The following PHACTR3 variants were observed in gnomAD, a reference collection of about 807,000 sequenced individuals.
PHACTR3 encodes the protein phosphatase and actin regulator 3, also known as protein phosphatase 1, regulatory subunit 123.
A neutral mutation model predicts 66.8 loss-of-function variants in PHACTR3; 16 were observed. The observed-to-expected ratio is 0.24, with a 90% CI of 0.16 to 0.36. The LOEUF is 0.36. Among genes scored for constraint, PHACTR3 ranks in the 10% least tolerant of loss-of-function variants. The pLI, the probability that PHACTR3 is intolerant of heterozygous loss-of-function variation, is 1.00. For synonymous variants in PHACTR3, 323 were observed against 292.1 expected (o/e 1.11, Z -1.08); for missense variants, 647 against 719.9 (o/e 0.90, Z 1.16).
intron 1 of PHACTR3, among the ~76,000 whole-genome samples, chr20:59,737,047 G>A (rs1297729554): frequency 2.6e-5 from 4 of 152,152 alleles, no homozygotes; most frequent in African/African-American, 9.7e-5. Flanking sequence ...AGACCCTCTA[G>A]TGGCTCCCTG....
At chr20:59,786,258 G>T (rs1435331300) in intron 7 of PHACTR3, among the ~76,000 whole-genome samples, 1 of 152,238 alleles carries the variant, frequency 6.6e-6, no homozygotes, top group South Asian at 2.1e-4. Flanking sequence ...TGGCCATTCA[G>T]TTTGCCCACT....
intron 1 of PHACTR3, among the ~76,000 whole-genome samples, chr20:59,668,363 G>T (rs1422488948): frequency 1.3e-5 from 2 of 152,022 alleles, no homozygotes; most frequent in African/African-American, 4.8e-5. Flanking sequence ...CTTAGAGGTG[G>T]GCACGTACAC....
intron 1 of PHACTR3, among the ~76,000 whole-genome samples, chr20:59,623,333 G>A (rs998641313): frequency 1.3e-5 from 2 of 152,156 alleles, no homozygotes; most frequent in Admixed American, 1.3e-4. Context: ...CTATAAAATG[G>A]GAACTATAGT....
chr20:59,688,476 C>T (rs955884285), intron 1 of PHACTR3, among the ~76,000 whole-genome samples: 9 of 152,134 alleles, frequency 5.9e-5, no homozygotes, highest in African/African-American at 9.7e-5. Context: ...AAAGCCTAGT[C>T]GGCTTTATCT....
chr20:59,793,550 GATT>G (rs1015324578), intron 7 of PHACTR3, among the ~76,000 whole-genome samples: 59 of 152,184 alleles, frequency 3.9e-4, no homozygotes, highest in Middle Eastern at 3.4e-3. Flanking sequence ...TTGTGAATGG[GATT>G]ATTTTCTTGA....
intron 1 of PHACTR3, among the ~76,000 whole-genome samples, chr20:59,593,211 G>C (rs2033236396): frequency 6.6e-6 from 1 of 152,194 alleles, no homozygotes; most frequent in Non-Finnish European, 1.5e-5. Context: ...TGGGTGTGCA[G>C]TGGTCTCTCA....
intron 1 of PHACTR3, among the ~76,000 whole-genome samples, chr20:59,638,556 G>C (rs1485358886): frequency 2.1e-5 from 3 of 144,490 alleles, no homozygotes; most frequent in African/African-American, 7.6e-5. Flanking sequence ...TATATGAGTG[G>C]ATAGGTGGGT....
chr20:59,621,603 C>G (rs1023714801), intron 1 of PHACTR3, among the ~76,000 whole-genome samples: 2 of 152,240 alleles, frequency 1.3e-5, no homozygotes, highest in African/African-American at 4.8e-5. Context: ...AGATTTCCCA[C>G]AGTGGCCTTT....
intron 1 of PHACTR3, among the ~76,000 whole-genome samples, chr20:59,674,480 CTTG>C (rs2036325674): frequency 4.1e-5 from 4 of 97,766 alleles, no homozygotes; most frequent in Admixed American, 1.2e-4. Flanking sequence ...CCTGTTCCCC[CTTG>C]TTCTCGTTCC....
chr20:59,592,137 C>T lies in PHACTR3; in HGVS notation c.109+14520C>T, dbSNP rs535250436. On this transcript the variant is annotated intron_variant, in intron 1 of 12. Coordinates refer to the PHACTR3 transcript ENST00000359926. ...GTGTATCACAGCAGCTGCTGTCTATCAGCCTACAAATGTCTTCCAAGCAGA... is the reference window on the plus strand; with the variant it reads ...GTGTATCACAGCAGCTGCTGTCTATTAGCCTACAAATGTCTTCCAAGCAGA... 2.6e-5 allele frequency among the ~76,000 whole-genome samples: 4 copies of T among 152,234 alleles called. No homozygotes were observed. The East Asian group carries it at 7.7e-4, about 29-fold the overall frequency.
rs938626797 is a variant in PHACTR3 at position 59,830,327 on chromosome 20, G to A, written c.1329-6178G>A. ...CAGTGTGAGTAGATGATGAAAGAAG[G>A]TGTGAGTATTTGATGGAGGAGGGTG... is the stretch of plus-strand genomic sequence containing the variant. On this transcript the variant is annotated intron_variant, in intron 8 of 12. Transcript: ENST00000371015. This position sits in a 1 kb window ranked among gnomAD's most constrained non-coding sequence, Gnocchi z 5.8. Among the ~76,000 whole-genome samples, 28 of 151,328 alleles carry A rather than the reference G, an allele frequency of 1.9e-4. No individual in the cohort carries two copies. Among genetic ancestry groups the A allele is most frequent in the African/African-American group, 6.3e-4 (26 of 41,008 alleles).
At chr20:59,591,710 C>G (rs1384925736) in intron 1 of PHACTR3, among the ~76,000 whole-genome samples, 1 of 152,136 alleles carries the variant, frequency 6.6e-6, no homozygotes, top group Non-Finnish European at 1.5e-5. Flanking sequence ...TCTCCAGACC[C>G]TTCGCCCATG....
chr20:59,753,416 G>T (rs1341741532), intron 3 of PHACTR3, among the ~76,000 whole-genome samples: 1 of 152,184 alleles, frequency 6.6e-6, no homozygotes. Flanking sequence ...TCTCTTCCAG[G>T]GTCCCAGGCA....
At chr20:59,684,296 C>T (rs1362974851) in intron 1 of PHACTR3, among the ~76,000 whole-genome samples, 1 of 152,170 alleles carries the variant, frequency 6.6e-6, no homozygotes, top group Non-Finnish European at 1.5e-5. Context: ...AGGCTTTCCT[C>T]AAATGCCTGG....
chr20:59,752,553 G>GGGAAGTCCTGCA lies in PHACTR3; in HGVS notation c.359-2629_359-2628insGGAAGTCCTGCA, dbSNP rs2039631930. ...GAGCTGGAGCTCTGACCGCAGCCCA[G>GGGAAGTCCTGCA]AGAAGTCCTGCAAGAAGTCCTTGCA... On this transcript the variant is annotated intron_variant, in intron 3 of 12. Coordinates refer to ENST00000371015, the MANE Select transcript of PHACTR3 (RefSeq NM_080672.5). Among the ~76,000 whole-genome samples the GGGAAGTCCTGCA allele has an allele frequency of 1.6e-4, 4 of 24,946 alleles. 1 individual carries two copies. The Admixed American group carries it at 2.0e-3, about 12-fold the overall frequency. 16.4% of individuals were successfully genotyped at this position (24,946 alleles called of 152,430 possible).
chr20:59,592,842 T>A (rs1328578827), intron 1 of PHACTR3, among the ~76,000 whole-genome samples: 1 of 152,120 alleles, frequency 6.6e-6, no homozygotes, highest in Non-Finnish European at 1.5e-5. Flanking sequence ...TTTTTTTTTG[T>A]ACTGAATAAT....
chr20:59,602,929 G>A (rs933181002), upstream of PHACTR3, among the ~76,000 whole-genome samples: 1 of 152,176 alleles, frequency 6.6e-6, no homozygotes, highest in Non-Finnish European at 1.5e-5. Context: ...CCACGTGCTG[G>A]CTTGTAACCT....
chr20:59,742,072 C>T (rs1365912136), intron 1 of PHACTR3, among the ~76,000 whole-genome samples: 3 of 152,232 alleles, frequency 2.0e-5, no homozygotes, highest in African/African-American at 7.2e-5. Flanking sequence ...CGGGGTTCCC[C>T]ATTTCTTTGG....
chr20:59,645,718 C>T (rs767933782), intron 1 of PHACTR3, among the ~76,000 whole-genome samples: 3 of 151,990 alleles, frequency 2.0e-5, no homozygotes, highest in Non-Finnish European at 4.4e-5. Context: ...GTCGACACCA[C>T]CAGAATATGT....
Sources: allele counts gnomAD v4.1 joint callset (sites outside exome capture counted in the v4.1 genomes callset), GRCh38; gene constraint gnomAD v4.1.1; non-coding constraint Gnocchi (gnomAD v3.1); transcripts MANE v1.5; gene names NCBI Gene and HGNC (gene_info 2026-07-23, HGNC 2026-07-21).